Variants in FBN3 observed in about 807,000 individuals in gnomAD.
The protein encoded by FBN3 is fibrillin 3.
FBN3 carries 234 observed loss-of-function variants against 330.1 expected under a neutral mutation model. That is an observed-to-expected ratio of 0.71 (90% CI 0.64 to 0.79). FBN3 has a LOEUF of 0.79. Ranked by LOEUF, FBN3 falls within the 30% of genes least tolerant of loss-of-function variation. FBN3 has a pLI of 0.00. For synonymous variants in FBN3, 1,458 were observed against 1,517.3 expected (o/e 0.96, Z 0.91); for missense variants, 3,606 against 3,886.9 (o/e 0.93, Z 1.92).
intron 34 of FBN3, among the ~76,000 whole-genome samples, chr19:8,110,436 TG>T (rs938783419): frequency 6.6e-6 from 1 of 152,178 alleles, no homozygotes; most frequent in Non-Finnish European, 1.5e-5. Context: ...GTCCACCACC[TG>T]TTTGTGTCAA....
In FBN3 at chr19:8,138,238, G is replaced by T; in HGVS notation, c.1104C>A (p.Ser368=). 6.2e-7 allele frequency: 1 copy of T among 1,612,050 alleles called. No individual in the cohort carries two copies. Among genetic ancestry groups the T allele is most frequent in the East Asian group, 2.2e-5 (1 of 44,880 alleles). The stretch of plus-strand genomic sequence containing the variant: ...GCCCAAGAGGGGGACCCATGCCATT[G>T]GATCCGAAGCCCAGGAGGCCAGGGA... ...GLFPGLLGFG[S]NGMGPPLGPA... Residue 368 remains serine, a synonymous_variant, in exon 10 of 64, where the codon TCC becomes TCA. Coordinates refer to ENST00000600128, the MANE Select transcript of FBN3 (RefSeq NM_032447.5).
intron 57 of FBN3, among the ~76,000 whole-genome samples, chr19:8,082,638 C>T (rs12609798): frequency 0.48 from 73,389 of 151,394 alleles, 18,070 homozygotes; most frequent in Admixed American, 0.53. Flanking sequence ...GGATTATAGG[C>T]ATGCACCAGC....
At chr19:8,067,129 CTTTTTTT>C (rs1029572620) in intron 63 of FBN3, among the ~76,000 whole-genome samples, 5 of 135,222 alleles carry the variant, frequency 3.7e-5, no homozygotes, top group Admixed American at 2.2e-4. Context: ...TCTTCTTTTT[CTTTTTTT>C]TTTTTTTTTG....
intron 30 of FBN3, among the ~76,000 whole-genome samples, chr19:8,113,414 G>A (rs189744225): frequency 8.7e-4 from 132 of 152,264 alleles, no homozygotes; most frequent in African/African-American, 2.6e-3. Flanking sequence ...ACAGGTGAGC[G>A]CCAGCATGCC....
In FBN3 at chr19:8,129,293, C is replaced by T. The variant is rs746777109; in HGVS notation, c.2117G>A (p.Arg706His). The part of the protein sequence containing the change: ...GVCENLRGSY[R>H]CVCNLGYEAG... ...CTCATAACCCAGGTTGCAGACACAGCGGTAGCTGCCCCGAAGGTTCTCGCA... is the reference window on the plus strand; with the variant it reads ...CTCATAACCCAGGTTGCAGACACAGTGGTAGCTGCCCCGAAGGTTCTCGCA... The change falls in exon 17 of 64, where the codon CGC becomes CAC. Residue 706 changes from arginine to histidine, a missense_variant. Arg to His is a conservative substitution (Grantham distance 29). Coordinates refer to ENST00000600128, the MANE Select transcript of FBN3 (RefSeq NM_032447.5). This position sits in a 1 kb window ranked among gnomAD's most constrained non-coding sequence, Gnocchi z 4.5. The T allele has an allele frequency of 7.4e-6, 12 of 1,614,146 alleles. No individual in the cohort carries two copies. The highest frequency in any genetic ancestry group is 1.1e-5 in the South Asian group (1 of 91,080).
chr19:8,098,830 C>T (rs1345432922), intron 41 of FBN3, among the ~76,000 whole-genome samples: 3 of 151,020 alleles, frequency 2.0e-5, no homozygotes, highest in African/African-American at 7.3e-5. Context: ...AAACAATCCA[C>T]CTATCTATCA....
chr19:8,096,141 G>A lies in FBN3; in HGVS notation c.5540-61C>T. ...CCCAGGGCATTGGGGAACTTGGGGA[G>A]TGAGAGGCCAGCTGGACCTAGCACT... is the stretch of plus-strand genomic sequence containing the variant. On this transcript the variant is annotated intron_variant, in intron 44 of 63. Transcript: ENST00000600128. This position sits in a 1 kb window ranked among gnomAD's most constrained non-coding sequence, Gnocchi z 4.6. The A allele has an allele frequency of 7.7e-7, 1 of 1,290,758 alleles. No homozygotes were observed. Among genetic ancestry groups the A allele is most frequent in the Non-Finnish European group, 1.1e-6 (1 of 886,368 alleles). The allele number at this position is 1,290,758 out of a possible 1,614,324, so 80.0% of individuals were successfully genotyped here.
chr19:8,104,647 A>G (rs1247484894), intron 38 of FBN3, among the ~76,000 whole-genome samples: 2 of 151,350 alleles, frequency 1.3e-5, no homozygotes, highest in African/African-American at 4.9e-5. Context: ...TTCTTGGGGG[A>G]AAAAAATTGA....
chr19:8,082,902 C>A (rs1047655957), intron 57 of FBN3, among the ~76,000 whole-genome samples: 1 of 151,126 alleles, frequency 6.6e-6, no homozygotes, highest in African/African-American at 2.4e-5. Context: ...CTCACTGCAG[C>A]CTCAGACTCC....
rs373106423 is a variant in FBN3 at position 8,110,834 on chromosome 19, T to G, written c.4333+11A>C. On this transcript the variant is annotated intron_variant, in intron 34 of 63. Coordinates refer to ENST00000600128, the MANE Select transcript of FBN3 (RefSeq NM_032447.5). ...CTCTCCTCTCCCCTTCCAGCCCAGA[T>G]GACCTCACACCTGTGCAGTTGCCAC... 382 of 1,614,068 alleles carry G rather than the reference T, an allele frequency of 2.4e-4. No individual in the cohort carries two copies. Among genetic ancestry groups the G allele is most frequent in the Non-Finnish European group, 3.1e-4 (371 of 1,180,012 alleles).
At position 8,147,418 on chromosome 19, in the gene FBN3, C is replaced by T. The variant is rs559203924; in HGVS notation, c.63G>A (p.Ser21=). The change falls in exon 2 of 64, where the codon TCG becomes TCA. Residue 21 remains serine (S), a synonymous_variant. Transcript: ENST00000600128. ...GGCCACCTGCCATGCACAACAGGGC[C>T]GACCAGGCCAGCAGGAGCCGGGCCA... is the stretch of plus-strand genomic sequence containing the variant. ...GPLARLLLAW[S]ALLCMAGGQG... is the part of the protein sequence containing the mutation. The T allele has an allele frequency of 3.0e-5, 48 of 1,591,394 alleles. No homozygotes were observed. The highest frequency in any genetic ancestry group is 2.8e-4 in the Admixed American group (16 of 56,328).
intron 28 of FBN3, 64 bp from the exon 29 acceptor site, chr19:8,116,863 G>C (rs2082717570): frequency 6.4e-7 from 1 of 1,563,626 alleles, no homozygotes; most frequent in Non-Finnish European, 8.7e-7. Context: ...GTACACATCT[G>C]CTCCCCAGGC....
At chr19:8,092,511 G>C (rs1261827325) in intron 47 of FBN3, among the ~76,000 whole-genome samples, 1 of 151,962 alleles carries the variant, frequency 6.6e-6, no homozygotes, top group African/African-American at 2.4e-5. Context: ...TCAGGAGCTG[G>C]AGACCAGCTT....
At chr19:8,124,083 C>G in intron 22 of FBN3, 75 bp from the exon 23 acceptor site, 2 of 1,293,474 alleles carry the variant, frequency 1.5e-6, no homozygotes, top group Non-Finnish European at 2.2e-6. Flanking sequence ...GCCGCTCAGT[C>G]ACTCCCATCG....
chr19:8,140,235 G>A (rs568386602), intron 8 of FBN3, among the ~76,000 whole-genome samples: 3 of 152,178 alleles, frequency 2.0e-5, no homozygotes, highest in South Asian at 2.1e-4. Flanking sequence ...AGGCTGAGGC[G>A]GGTGGATCAC....
chr19:8,090,469 T>G (rs537009030), intron 48 of FBN3, among the ~76,000 whole-genome samples: 3 of 125,304 alleles, frequency 2.4e-5, no homozygotes, highest in East Asian at 2.1e-4. Flanking sequence ...TTAGTTGTTG[T>G]TGTTGGTGGT....
chr19:8,087,436 C>T (rs2081989065), intron 53 of FBN3, among the ~76,000 whole-genome samples: 2 of 152,114 alleles, frequency 1.3e-5, no homozygotes, highest in African/African-American at 2.4e-5. Context: ...ATCCCCTGCC[C>T]ATGTCAGGGT....
Position 8,132,983 on chromosome 19 carries a change from C to G in FBN3, c.1714+1G>C, listed in dbSNP as rs755669226. 6.4e-7 allele frequency: 1 copy of G among 1,554,478 alleles called. No homozygotes were observed. The highest frequency in any genetic ancestry group is 8.7e-7 in the Non-Finnish European group (1 of 1,153,572). ...GCTGGCCAGTCTGGCTCCAGGCTCA[C>G]CCATGCAGTAGTGGCCGCCAGGCGC... On this transcript the variant is annotated splice_donor_variant, in intron 14 of 63. Coordinates refer to ENST00000600128, the MANE Select transcript of FBN3 (RefSeq NM_032447.5). LOFTEE classifies it high-confidence loss of function.
At chr19:8,082,357 C>CTCTT (rs998644818) in intron 57 of FBN3, among the ~76,000 whole-genome samples, 6 of 129,670 alleles carry the variant, frequency 4.6e-5, no homozygotes, top group East Asian at 4.1e-4. Context: ...TTGTCTCTCT[C>CTCTT]TCTTTCTTTT....
Sources: gnomAD v4.1 joint callset for allele counts (sites outside exome capture counted in the v4.1 genomes callset) on GRCh38, gnomAD v4.1.1 for gene constraint, Gnocchi (gnomAD v3.1) non-coding constraint, MANE v1.5 for transcripts, NCBI Gene and HGNC (gene_info 2026-07-23, HGNC 2026-07-21) for gene names.